Variants in DTD1 observed in about 807,000 individuals in gnomAD.
DTD1 encodes D-tyrosyl-tRNA deacylase 1 homolog.
In DTD1, 13 loss-of-function variants were observed where a neutral mutation model predicts 25.6. The ratio of observed to expected loss-of-function variants is 0.51; its 90% confidence interval spans 0.33 to 0.81. DTD1 has a LOEUF of 0.81. DTD1 is among the 30% of genes least tolerant of loss of function. The pLI is 0.02. For synonymous variants in DTD1, 110 were observed against 103.6 expected, an observed-to-expected ratio of 1.06 and a Z score of -0.37; for missense variants, 193 against 266.4, an observed-to-expected ratio of 0.72 and a Z score of 1.92.
intron 4 of DTD1, among the ~76,000 whole-genome samples, chr20:18,727,638 C>T (rs1027505591): frequency 1.3e-5 from 2 of 152,164 alleles, no homozygotes; most frequent in Non-Finnish European, 2.9e-5. Flanking sequence ...GCAACCATCA[C>T]CATGAGAAGA....
intron 4 of DTD1, among the ~76,000 whole-genome samples, 192 bp downstream of exon 4, chr20:18,628,425 C>T (rs576920896): frequency 1.3e-5 from 2 of 152,328 alleles, no homozygotes; most frequent in East Asian, 3.9e-4. Context: ...CAGCACTTCT[C>T]CCTTGCCTCG....
At chr20:18,751,493 C>CT (rs778107166) in intron 5 of DTD1, among the ~76,000 whole-genome samples, 4,194 of 144,834 alleles carry the variant, frequency 0.029, 171 homozygotes, top group African/African-American at 0.091. Flanking sequence ...CTTAAATAGT[C>CT]TTTTTTTTTT....
rs943860913 is a variant in DTD1 at position 18,755,673 on chromosome 20, T to G, written c.*20-7687T>G. 4.8e-4 allele frequency among the ~76,000 whole-genome samples: 73 copies of G among 152,348 alleles called. 1 individual carries two copies. Among genetic ancestry groups the G allele is most frequent in the Non-Finnish European group, 9.0e-4 (61 of 68,036 alleles). On this transcript the variant is annotated intron_variant, in intron 5 of 5. Coordinates refer to ENST00000377452, the MANE Select transcript of DTD1 (RefSeq NM_080820.6). ...ATTTTCTTAATCCAGTCTATCATTG[T>G]TGGACATTTGGGTTGGTTCCAAGTC...
At position 18,763,964 on chromosome 20, in the gene DTD1, C is replaced by T. The variant is rs1351843984; in HGVS notation, c.*624C>T. Reference sequence around the variant, plus strand: ...CGATGATGTCCATAGAAATGCAATGCGTCTGACCTCTCTCTATGCGTATCT... The same window carrying T: ...CGATGATGTCCATAGAAATGCAATGTGTCTGACCTCTCTCTATGCGTATCT... On this transcript the variant is annotated 3_prime_UTR_variant, in exon 6 of 6. Transcript: ENST00000377452. 3 of 151,950 alleles carry T rather than the reference C, an allele frequency of 2.0e-5. No individual in the cohort carries two copies. Among genetic ancestry groups the T allele is most frequent in the Non-Finnish European group, 4.4e-5 (3 of 67,984 alleles). The allele number at this position is 151,950 out of a possible 1,614,324, so 9.4% of individuals were successfully genotyped here.
chr20:18,646,956 G>A (rs1364352552), intron 4 of DTD1, among the ~76,000 whole-genome samples: 2 of 152,160 alleles, frequency 1.3e-5, no homozygotes, highest in Non-Finnish European at 2.9e-5. Context: ...CTGACCTTCT[G>A]AGATGAACCA....
intron 5 of DTD1, among the ~76,000 whole-genome samples, chr20:18,746,653 G>T (rs1442512160): frequency 6.6e-6 from 1 of 152,170 alleles, no homozygotes; most frequent in Admixed American, 6.5e-5. Context: ...CATGATTGCA[G>T]CACTGCACTC....
Position 18,762,354 on chromosome 20 carries a change from A to G in DTD1, c.*20-1006A>G, listed in dbSNP as rs551146826. On this transcript the variant is annotated intron_variant, in intron 5 of 5. Transcript: ENST00000377452. ...CTTTTGGATGACAAATGCATGCATCATAGATCTCGGCAATACTAGCTGGTT... is the reference window on the plus strand; with the variant it reads ...CTTTTGGATGACAAATGCATGCATCGTAGATCTCGGCAATACTAGCTGGTT... Among the ~76,000 whole-genome samples the G allele has an allele frequency of 5.6e-4, 85 of 152,344 alleles. 1 individual carries two copies. In the South Asian group the frequency reaches 0.013, roughly 23 times the overall value.
chr20:18,631,549 T>C, intron 4 of DTD1: 1 of 985,522 alleles, frequency 1.0e-6, no homozygotes, highest in Non-Finnish European at 1.2e-6. Context: ...TCCCTTCTGC[T>C]CTGCCACAGT....
At chr20:18,754,958 T>C (rs1408163940) in intron 5 of DTD1, among the ~76,000 whole-genome samples, 2 of 152,222 alleles carry the variant, frequency 1.3e-5, no homozygotes, top group Admixed American at 1.3e-4. Flanking sequence ...TTCCCAGTAG[T>C]AGCACAGTTA....
chr20:18,610,383 A>C (rs546267325), intron 3 of DTD1, among the ~76,000 whole-genome samples: 1 of 152,244 alleles, frequency 6.6e-6, no homozygotes, highest in South Asian at 2.1e-4. Context: ...GTGCCACCAC[A>C]CCTGGCATAC....
At chr20:18,713,215 G>A (rs1273716325) in intron 4 of DTD1, among the ~76,000 whole-genome samples, 1 of 152,260 alleles carries the variant, frequency 6.6e-6, no homozygotes, top group African/African-American at 2.4e-5. Context: ...TCTGTCTAGT[G>A]TGTGTCCTCC....
At chr20:18,667,046 AT>A (rs1222759345) in intron 4 of DTD1, among the ~76,000 whole-genome samples, 1 of 152,086 alleles carries the variant, frequency 6.6e-6, no homozygotes, top group African/African-American at 2.4e-5. Flanking sequence ...GGCACTTGTG[AT>A]TTGCTTATGA....
chr20:18,752,864 GGTTGGTTT>G (rs2061325851), intron 5 of DTD1, among the ~76,000 whole-genome samples: 1 of 152,236 alleles, frequency 6.6e-6, no homozygotes, highest in African/African-American at 2.4e-5. Flanking sequence ...TTATCCATGA[GGTTGGTTT>G]GCTTCCTCAC....
chr20:18,728,256 G>A (rs2061229285), intron 4 of DTD1, among the ~76,000 whole-genome samples: 1 of 151,998 alleles, frequency 6.6e-6, no homozygotes, highest in Non-Finnish European at 1.5e-5. Flanking sequence ...GTAGGGAAGA[G>A]GGCGGGGCCA....
intron 3 of DTD1, among the ~76,000 whole-genome samples, chr20:18,605,885 A>G (rs2060654992): frequency 6.6e-6 from 1 of 150,440 alleles, no homozygotes. Context: ...TTCATGTCCA[A>G]AACACCAAAA....
chr20:18,640,972 C>T (rs1265914534), intron 4 of DTD1, among the ~76,000 whole-genome samples: 1 of 152,136 alleles, frequency 6.6e-6, no homozygotes, highest in Non-Finnish European at 1.5e-5. Flanking sequence ...TGAAACTTTA[C>T]CCTTAAGTAG....
Position 18,749,787 on chromosome 20 carries a change from T to C in DTD1, c.*19+5516T>C, listed in dbSNP as rs565775863. 6.6e-6 allele frequency among the ~76,000 whole-genome samples: 1 copy of C among 152,302 alleles called. No individual in the cohort carries two copies. The highest frequency in any genetic ancestry group is 6.5e-5 in the Admixed American group (1 of 15,300). On this transcript the variant is annotated intron_variant, in intron 5 of 5. Coordinates refer to ENST00000377452, the MANE Select transcript of DTD1 (RefSeq NM_080820.6). This position sits in a 1 kb window ranked among gnomAD's most constrained non-coding sequence, Gnocchi z 4.2. ...AGGACACTGAGGACCCAGAGTACTG[T>C]TGACATTAAGGTGAAATGGAGCCTC...
At chr20:18,622,145 C>T (rs2060737120) in intron 3 of DTD1, among the ~76,000 whole-genome samples, 1 of 152,118 alleles carries the variant, frequency 6.6e-6, no homozygotes. Context: ...TATACATGTG[C>T]CATGGTGTTT....
At position 18,750,792 on chromosome 20, in the gene DTD1, C is replaced by T. The variant is rs553161535; in HGVS notation, c.*19+6521C>T. Among the ~76,000 whole-genome samples, 3 of 152,310 alleles carry T rather than the reference C, an allele frequency of 2.0e-5. No homozygotes were observed. In the East Asian group the frequency reaches 5.8e-4, roughly 29 times the overall value. ...TGGCCACTGCTAAAGGCACTAGGGC[C>T]ACCTCTCACTAAAATGATGTGGTTT... On this transcript the variant is annotated intron_variant, in intron 5 of 5. Coordinates refer to ENST00000377452, the MANE Select transcript of DTD1 (RefSeq NM_080820.6).
Sources: allele counts gnomAD v4.1 joint callset (sites outside exome capture counted in the v4.1 genomes callset), GRCh38; gene constraint gnomAD v4.1.1; non-coding constraint Gnocchi (gnomAD v3.1); transcripts MANE v1.5; gene names NCBI Gene and HGNC (gene_info 2026-07-23, HGNC 2026-07-21).